HDAC9: variants seen among roughly 807,000 people sequenced by gnomAD.
HDAC9 encodes MEF-2 interacting transcription repressor (MITR) protein.
In HDAC9, 41 loss-of-function variants were observed where a neutral mutation model predicts 139.4. The observed-to-expected ratio is 0.29, with a 90% confidence interval of 0.23 to 0.38. The LOEUF is 0.38. HDAC9 is among the 10% of genes least tolerant of loss of function. The pLI is 1.00. For synonymous variants in HDAC9, 517 were observed against 476.2 expected (o/e 1.09, Z -1.12); for missense variants, 1,147 against 1,297.0 (o/e 0.88, Z 1.78).
chr7:18,687,623 T>TC (rs1782366882), intron 12 of HDAC9, among the ~76,000 whole-genome samples: 1 of 151,840 alleles, frequency 6.6e-6, no homozygotes, highest in Non-Finnish European at 1.5e-5. Context: ...ATATTCACTA[T>TC]GGAATAAATT....
chr7:18,709,092 C>A (rs1404094080), intron 12 of HDAC9, among the ~76,000 whole-genome samples: 1 of 146,864 alleles, frequency 6.8e-6, no homozygotes, highest in Non-Finnish European at 1.5e-5. Context: ...TTCTTTTTTT[C>A]TTTATTTTAT....
At chr7:18,784,675 G>A (rs1217584245) in intron 16 of HDAC9, among the ~76,000 whole-genome samples, 7 of 151,986 alleles carry the variant, frequency 4.6e-5, no homozygotes, top group Non-Finnish European at 1.5e-5. Context: ...ACTCACAGTG[G>A]AATAAAGAAA....
At chr7:18,941,723 T>C (rs539663805) in intron 23 of HDAC9, among the ~76,000 whole-genome samples, 37 of 152,240 alleles carry the variant, frequency 2.4e-4, no homozygotes, top group African/African-American at 8.9e-4. Context: ...TTGAAGGCTC[T>C]CCATACTCTG....
chr7:18,482,178 GAAGGGA>G (rs1795606733), intron 1 of HDAC9, among the ~76,000 whole-genome samples: 1 of 151,708 alleles, frequency 6.6e-6, no homozygotes, highest in Non-Finnish European at 1.5e-5. Flanking sequence ...GTTCTGGCAA[GAAGGGA>G]AGAGGTCTGA....
chr7:18,635,370 C>T (rs1170432732), intron 8 of HDAC9, among the ~76,000 whole-genome samples: 2 of 151,860 alleles, frequency 1.3e-5, no homozygotes, highest in Admixed American at 1.3e-4. Context: ...CATTTTGCCT[C>T]ACAGTAGGGA....
At chr7:18,986,548 A>G (rs1322360272) in intron 25 of HDAC9, among the ~76,000 whole-genome samples, 8 of 133,320 alleles carry the variant, frequency 6.0e-5, no homozygotes, top group Non-Finnish European at 8.3e-5. Context: ...TGACTTGGCA[A>G]TGCGGGCTCT....
At chr7:18,933,829 G>A (rs1242070182) in intron 22 of HDAC9, among the ~76,000 whole-genome samples, 13 of 152,156 alleles carry the variant, frequency 8.5e-5, no homozygotes, top group African/African-American at 2.2e-4. Context: ...AATAAGTCAC[G>A]AAATAGAACA....
rs180749056 is a variant in HDAC9, at chr7:18,216,216, G to T, written c.25+53867G>T. Among the ~76,000 whole-genome samples the T allele has an allele frequency of 1.5e-3, 234 of 152,020 alleles. 1 individual carries two copies. Among genetic ancestry groups the T allele is most frequent in the African/African-American group, 5.4e-3 (223 of 41,478 alleles). On this transcript the variant is annotated intron_variant, in intron 2 of 12. Transcript: ENST00000417496. ...GGTTGATTGATTAGTTGGTTAGTTGGAGCTTTTCCCAGAAAGTTTTCCAAC... is the reference window on the plus strand; with the variant it reads ...GGTTGATTGATTAGTTGGTTAGTTGTAGCTTTTCCCAGAAAGTTTTCCAAC...
intron 25 of HDAC9, among the ~76,000 whole-genome samples, chr7:18,993,990 A>C (rs903028595): frequency 2.0e-5 from 3 of 152,192 alleles, no homozygotes; most frequent in African/African-American, 2.4e-5. Flanking sequence ...TGTACCTGCA[A>C]GTTGCCCTGT....
At chr7:18,584,145 T>TTTTTC (rs1828715390) in intron 2 of HDAC9, among the ~76,000 whole-genome samples, 1 of 143,542 alleles carries the variant, frequency 7.0e-6, no homozygotes, top group Non-Finnish European at 1.5e-5. Flanking sequence ...GCATTCTTTT[T>TTTTTC]TTTTTTTTTT....
chr7:18,910,891 G>T (rs1802681947), intron 22 of HDAC9, among the ~76,000 whole-genome samples: 1 of 151,760 alleles, frequency 6.6e-6, no homozygotes, highest in African/African-American at 2.4e-5. Context: ...TTCATTGGGG[G>T]TATGAGCCTA....
At chr7:18,966,148 A>G in intron 24 of HDAC9, among the ~76,000 whole-genome samples, 1 of 152,302 alleles carries the variant, frequency 6.6e-6, no homozygotes, top group African/African-American at 2.4e-5. Flanking sequence ...AGTAAATATA[A>G]TTTTTACTTT....
chr7:18,832,608 T>C (rs929932792), intron 19 of HDAC9, among the ~76,000 whole-genome samples: 2 of 152,200 alleles, frequency 1.3e-5, no homozygotes, highest in Non-Finnish European at 2.9e-5. Flanking sequence ...CAATCACCAA[T>C]AATTTTCTTA....
intron 2 of HDAC9, among the ~76,000 whole-genome samples, chr7:18,271,229 T>C (rs1397074900): frequency 6.6e-6 from 1 of 152,204 alleles, no homozygotes; most frequent in Non-Finnish European, 1.5e-5. Flanking sequence ...TTTAAAAGAA[T>C]TACCTGTTTT....
chr7:18,706,405 A>C (rs1783923782), intron 12 of HDAC9, among the ~76,000 whole-genome samples: 1 of 152,182 alleles, frequency 6.6e-6, no homozygotes, highest in Admixed American at 6.5e-5. Context: ...GATTGACAAT[A>C]AAATTGAATG....
intron 8 of HDAC9, among the ~76,000 whole-genome samples, chr7:18,643,376 C>A (rs1243984748): frequency 1.3e-5 from 2 of 152,120 alleles, no homozygotes; most frequent in African/African-American, 4.8e-5. Flanking sequence ...TCTTGGTTTT[C>A]ATGCACAAAT....
intron 22 of HDAC9, among the ~76,000 whole-genome samples, chr7:18,923,746 A>T (rs1221472879): frequency 2.0e-5 from 3 of 152,020 alleles, no homozygotes; most frequent in East Asian, 3.9e-4. Context: ...AAGATGAAAG[A>T]CCTCTGGCAT....
intron 12 of HDAC9, chr7:18,667,081 T>A: frequency 2.0e-6 from 2 of 985,334 alleles, no homozygotes; most frequent in Non-Finnish European, 2.4e-6. Flanking sequence ...AGGTTGCAAT[T>A]GAACATATTA....
At chr7:18,136,798 G>A (rs1584260577) in intron 1 of HDAC9, among the ~76,000 whole-genome samples, 1 of 151,554 alleles carries the variant, frequency 6.6e-6, no homozygotes, top group African/African-American at 2.4e-5. Flanking sequence ...CTCTTTTTTG[G>A]TTCCATATGA....
Sources: allele counts gnomAD v4.1 joint callset (sites outside exome capture counted in the v4.1 genomes callset), GRCh38; gene constraint gnomAD v4.1.1; transcripts MANE v1.5; gene names NCBI Gene and HGNC (gene_info 2026-07-23, HGNC 2026-07-21).